The following MAGI1 variants were observed in gnomAD, a reference collection of about 807,000 sequenced individuals.
The protein encoded by MAGI1 is membrane-associated guanylate kinase, WW and PDZ domain-containing protein 1.
A neutral mutation model predicts 139.9 loss-of-function variants in MAGI1; 58 were observed. The observed-to-expected ratio is 0.41, with a 90% CI of 0.34 to 0.52. The LOEUF is 0.52. Among genes scored for constraint, MAGI1 ranks in the 20% least tolerant of loss-of-function variants. The pLI is 0.12. For synonymous variants in MAGI1, 812 were observed against 737.9 expected (o/e 1.10, Z -1.63); for missense variants, 1,874 against 1,901.6 (o/e 0.99, Z 0.27).
chr3:65,918,846 G>C (rs1376112376), intron 1 of MAGI1, among the ~76,000 whole-genome samples: 1 of 151,962 alleles, frequency 6.6e-6, no homozygotes, highest in African/African-American at 2.4e-5. Flanking sequence ...GCAAGTTAAG[G>C]AGAATGCTTA....
At chr3:65,461,590 G>A (rs1441488817) in intron 5 of MAGI1, among the ~76,000 whole-genome samples, 10 of 150,304 alleles carry the variant, frequency 6.7e-5, no homozygotes, top group South Asian at 4.2e-4. Context: ...CCGGGTTCAC[G>A]CCATTCTCCT....
At chr3:65,980,134 G>A (rs965881344) in intron 1 of MAGI1, among the ~76,000 whole-genome samples, 7 of 152,278 alleles carry the variant, frequency 4.6e-5, no homozygotes, top group African/African-American at 1.7e-4. Context: ...TTAAAAAGCT[G>A]GGGCCAAAAA....
At chr3:65,455,210 A>G (rs1949311626) in intron 5 of MAGI1, among the ~76,000 whole-genome samples, 1 of 152,200 alleles carries the variant, frequency 6.6e-6, no homozygotes, top group African/African-American at 2.4e-5. Context: ...CAATAATAAC[A>G]TCCTGCAAAA....
chr3:65,986,040 G>C (rs1576364615), intron 1 of MAGI1, among the ~76,000 whole-genome samples: 1 of 152,210 alleles, frequency 6.6e-6, no homozygotes, highest in African/African-American at 2.4e-5. Context: ...ATCAGCTCAA[G>C]GGTAAAAGGG....
At chr3:65,693,097 G>C (rs73129866) in intron 1 of MAGI1, among the ~76,000 whole-genome samples, 10,740 of 151,994 alleles carry the variant, frequency 0.071, 559 homozygotes, top group Non-Finnish European at 0.11. Flanking sequence ...TACTATGCCT[G>C]GCTATTTTTA....
chr3:65,907,455 C>G (rs1470241502), intron 1 of MAGI1, among the ~76,000 whole-genome samples: 1 of 152,110 alleles, frequency 6.6e-6, no homozygotes, highest in Non-Finnish European at 1.5e-5. Context: ...AAGTACTTAT[C>G]CCCCCACACC....
chr3:65,590,801 G>T (rs1488657092), intron 2 of MAGI1, among the ~76,000 whole-genome samples: 6 of 152,066 alleles, frequency 3.9e-5, no homozygotes, highest in Non-Finnish European at 8.8e-5. Flanking sequence ...AGCCTCTAAG[G>T]CCAAAGGAAA....
At chr3:65,545,849 G>A (rs1401997694) in intron 2 of MAGI1, among the ~76,000 whole-genome samples, 1 of 152,026 alleles carries the variant, frequency 6.6e-6, no homozygotes, top group African/African-American at 2.4e-5. Context: ...TAAACAGCCT[G>A]TATGTAGTAA....
In MAGI1 at chr3:65,512,668, T is replaced by C. The variant is rs1268279621; in HGVS notation, c.431-19037A>G. 4.6e-5 allele frequency among the ~76,000 whole-genome samples: 7 copies of C among 150,698 alleles called. No individual in the cohort carries two copies. The East Asian group carries it at 5.9e-4, about 13-fold the overall frequency. ...CTGAAATTGTGGCAATAATCAATAG[T>C]TTACCAACCAAAAAGAGTCCAGGAC... On this transcript the variant is annotated intron_variant, in intron 2 of 22. Transcript: ENST00000402939.
chr3:65,815,124 C>T (rs756551136), intron 1 of MAGI1, among the ~76,000 whole-genome samples: 15 of 152,214 alleles, frequency 9.9e-5, no homozygotes, highest in Non-Finnish European at 2.1e-4. Flanking sequence ...TATCTGCTCT[C>T]TCCCTGCAAC....
chr3:65,529,377 T>A (rs2078532121), intron 2 of MAGI1, among the ~76,000 whole-genome samples: 3 of 152,114 alleles, frequency 2.0e-5, no homozygotes, highest in African/African-American at 7.2e-5. Flanking sequence ...TGTTCTCCTC[T>A]CCCCCAAGTT....
chr3:65,773,973 G>A (rs934306558), intron 1 of MAGI1, among the ~76,000 whole-genome samples: 1 of 150,418 alleles, frequency 6.6e-6, no homozygotes, highest in Non-Finnish European at 1.5e-5. Context: ...TTCACAGGAA[G>A]AGAAAAAAAT....
chr3:65,864,373 G>T (rs116095244), intron 1 of MAGI1, among the ~76,000 whole-genome samples: 3,908 of 152,296 alleles, frequency 0.026, 80 homozygotes, highest in Middle Eastern at 0.044. Context: ...ACAGGCCAGG[G>T]TTAATTTCCT....
intron 12 of MAGI1, among the ~76,000 whole-genome samples, chr3:65,425,045 G>A (rs1207391902): frequency 7.0e-6 from 1 of 143,658 alleles, no homozygotes; most frequent in Non-Finnish European, 1.5e-5. Context: ...ACTCCAGCCT[G>A]GGCAAAAGAG....
At chr3:65,545,793 A>C (rs924968153) in intron 2 of MAGI1, among the ~76,000 whole-genome samples, 3 of 152,004 alleles carry the variant, frequency 2.0e-5, no homozygotes, top group Admixed American at 6.6e-5. Flanking sequence ...AAAAAATGTG[A>C]TGATCCCATC....
intron 1 of MAGI1, among the ~76,000 whole-genome samples, chr3:65,983,600 G>T (rs1239204479): frequency 1.3e-5 from 2 of 152,130 alleles, no homozygotes; most frequent in African/African-American, 4.8e-5. Context: ...TTTTAAAAAT[G>T]AAATTAGAGT....
chr3:65,391,076 C>A, intron 14 of MAGI1, 66 bp downstream of exon 14: 1 of 1,368,458 alleles, frequency 7.3e-7, no homozygotes, highest in South Asian at 1.3e-5. Flanking sequence ...TTTTCAATAA[C>A]CTTCAAGAGA....
At position 65,374,071 on chromosome 3, in the gene MAGI1, T is replaced by C. The variant is rs550029016; in HGVS notation, c.3196+1674A>G. ...ATGAAACCCTAATTTTCTTATTTTA[T>C]AGATACATGGCATAGAGTTTTTATC... On this transcript the variant is annotated intron_variant, in intron 18 of 22. Transcript: ENST00000402939. Among the ~76,000 whole-genome samples, 10 of 152,328 alleles carry C rather than the reference T, an allele frequency of 6.6e-5. No individual in the cohort carries two copies. The South Asian group carries it at 1.2e-3, about 19-fold the overall frequency.
intron 1 of MAGI1, among the ~76,000 whole-genome samples, chr3:66,022,406 G>T (rs1285882261): frequency 6.6e-6 from 1 of 152,132 alleles, no homozygotes; most frequent in African/African-American, 2.4e-5. Flanking sequence ...AATGACACAT[G>T]TATAATATAT....
Sources: gnomAD v4.1 joint callset for allele counts (sites outside exome capture counted in the v4.1 genomes callset) on GRCh38, gnomAD v4.1.1 for gene constraint, MANE v1.5 for transcripts, NCBI Gene and HGNC (gene_info 2026-07-23, HGNC 2026-07-21) for gene names.